Variants in SYNE2 observed in about 807,000 individuals in gnomAD.
SYNE2 encodes the protein nesprin-2.
In SYNE2, 431 loss-of-function variants were observed where a neutral mutation model predicts 856.3. The ratio of observed to expected loss-of-function variants is 0.50; its 90% CI spans 0.47 to 0.55. The LOEUF (loss-of-function observed/expected upper bound fraction) is 0.55, where lower values mean the gene tolerates loss of function less well. SYNE2 is among the 20% of genes least tolerant of loss of function. The pLI is 0.00. For missense variants in SYNE2, 8,129 were observed against 8,023.2 expected (o/e 1.01, Z -0.50); for synonymous variants, 2,923 against 2,872.3 (o/e 1.02, Z -0.56).
chr14:63,980,665 A>G lies in SYNE2; in HGVS notation c.1581A>G (p.Glu527=), dbSNP rs1223830689. 6.3e-7 allele frequency: 1 copy of G among 1,597,572 alleles called. No homozygotes were observed. The highest frequency in any genetic ancestry group is 8.6e-7 in the Non-Finnish European group (1 of 1,165,528). The part of the protein sequence containing the change: ...LLLEDWHKFI[E]EKEFLARLDT... Reference sequence around the variant, plus strand: ...TGTTTTCTTCCCAGAAATTTATTGAAGAAAAAGAATTCCTAGCTCGACTTG... The same window carrying G: ...TGTTTTCTTCCCAGAAATTTATTGAGGAAAAAGAATTCCTAGCTCGACTTG... The change falls in exon 15 of 116, where the codon GAA becomes GAG. Residue 527 remains glutamate (E), a synonymous_variant. Coordinates refer to ENST00000555002, the MANE Select transcript of SYNE2 (RefSeq NM_182914.3).
chr14:64,056,243 A>G lies in SYNE2; in HGVS notation c.10044A>G (p.Lys3348=), dbSNP rs1471787021. 1 of 1,614,030 alleles carries G rather than the reference A, an allele frequency of 6.2e-7. No homozygotes were observed. Among genetic ancestry groups the G allele is most frequent in the Non-Finnish European group, 8.5e-7 (1 of 1,179,998 alleles). The change falls in exon 49 of 116, where the codon AAA becomes AAG. Residue 3348 remains lysine (K), a synonymous_variant. Coordinates refer to ENST00000555002, the MANE Select transcript of SYNE2 (RefSeq NM_182914.3). The part of the protein sequence containing the change: ...SKNSAMKEAF[K]AQETEAERYL... ...ACTCAGCAATGAAGGAAGCTTTCAA[A>G]GCACAGGAAACTGAGGCAGAAAGGT...
At chr14:64,087,365 G>A in intron 57 of SYNE2, 2 of 535,484 alleles carry the variant, frequency 3.7e-6, no homozygotes, top group East Asian at 4.8e-5. Flanking sequence ...TTACATGTAT[G>A]AAAGGGCTTA....
chr14:63,837,019 TTTTAA>T (rs1889879140), intron 1 of SYNE2, among the ~76,000 whole-genome samples: 1 of 152,186 alleles, frequency 6.6e-6, no homozygotes, highest in African/African-American at 2.4e-5. Flanking sequence ...ACTGGGGAGC[TTTTAA>T]TTTGTGTTAC....
At chr14:63,992,819 G>A (rs376966673) in intron 21 of SYNE2, among the ~76,000 whole-genome samples, 2 of 152,186 alleles carry the variant, frequency 1.3e-5, no homozygotes, top group East Asian at 3.9e-4. Context: ...AAATCTAGCA[G>A]TCCTCAAGGA....
intron 1 of SYNE2, among the ~76,000 whole-genome samples, chr14:63,800,083 TGTTAG>T (rs1888073986): frequency 6.6e-6 from 1 of 152,230 alleles, no homozygotes; most frequent in Non-Finnish European, 1.5e-5. Context: ...TTAATTTTCC[TGTTAG>T]CCTGTTCATT....
intron 1 of SYNE2, among the ~76,000 whole-genome samples, chr14:63,866,408 A>G (rs903786750): frequency 1.3e-5 from 2 of 152,130 alleles, no homozygotes; most frequent in Non-Finnish European, 2.9e-5. Flanking sequence ...CACACCTGTA[A>G]TCCCACCACT....
intron 53 of SYNE2, among the ~76,000 whole-genome samples, chr14:64,074,780 C>G (rs529621494): frequency 7.2e-5 from 11 of 152,034 alleles, no homozygotes; most frequent in African/African-American, 2.7e-4. Context: ...CCTATAATCC[C>G]AGCTACTGGG....
At chr14:63,953,497 G>T (rs2096195670) in intron 7 of SYNE2, among the ~76,000 whole-genome samples, 1 of 151,082 alleles carries the variant, frequency 6.6e-6, no homozygotes, top group South Asian at 2.1e-4. Context: ...AAATACAATG[G>T]CTAGCTAATG....
chr14:64,017,830 A>G, intron 34 of SYNE2, 74 bp downstream of exon 34: 1 of 1,452,002 alleles, frequency 6.9e-7, no homozygotes, highest in Non-Finnish European at 9.6e-7. Context: ...AATATAGTCA[A>G]CAAACATTAG....
At chr14:64,128,363 G>A in intron 73 of SYNE2, 89 bp from the exon 74 acceptor site, 1 of 730,652 alleles carries the variant, frequency 1.4e-6, no homozygotes. Flanking sequence ...AATTTCTAGT[G>A]TCACAAAAAT....
chr14:63,976,618 C>G lies in SYNE2; in HGVS notation c.1184C>G (p.Thr395Ser), dbSNP rs1241807636. ...NYALPPPLHQTEAWLQEVEEL... is the reference protein window; with the variant it reads ...NYALPPPLHQSEAWLQEVEEL... ...GCCTTGCCCCCACCCCTCCATCAAA[C>G]TGAAGCTTGGCTCCAGGAGGTAGAA... Residue 395 changes from threonine (T) to serine (S), a missense_variant, in exon 12 of 116, where the codon ACT becomes AGT. Physicochemically the swap from Thr to Ser is moderately conservative, Grantham distance 58. Around this residue, in one of 3 missense-constraint regions of SYNE2, gnomAD observed 2,422 missense variants for 2,357.4 expected, o/e 1.03. Transcript: ENST00000555002. 2.6e-6 allele frequency: 4 copies of G among 1,567,304 alleles called. No homozygotes were observed. The South Asian group carries it at 4.4e-5, about 17-fold the overall frequency.
At chr14:64,063,628 TA>T (rs1461661970) in intron 50 of SYNE2, among the ~76,000 whole-genome samples, 1 of 152,246 alleles carries the variant, frequency 6.6e-6, no homozygotes, top group African/African-American at 2.4e-5. Flanking sequence ...TGCTTATTTT[TA>T]TCTGTTAGAA....
intron 2 of SYNE2, among the ~76,000 whole-genome samples, chr14:63,924,865 C>CTTTTTT (rs1595671224): frequency 2.5e-5 from 1 of 39,546 alleles, no homozygotes; most frequent in African/African-American, 1.2e-4. Context: ...TTTTTTTTTG[C>CTTTTTT]CTTACTCCAG....
chr14:64,035,769 A>G (rs2097083510), intron 45 of SYNE2, among the ~76,000 whole-genome samples: 1 of 151,842 alleles, frequency 6.6e-6, no homozygotes, highest in East Asian at 1.9e-4. Context: ...GTCATAGCTC[A>G]CTGCAGCCTT....
At chr14:64,041,008 A>G (rs2097144363) in intron 45 of SYNE2, among the ~76,000 whole-genome samples, 2 of 152,178 alleles carry the variant, frequency 1.3e-5, no homozygotes, top group East Asian at 1.9e-4. Flanking sequence ...AAGTATGTCA[A>G]TAATAAATTT....
intron 19 of SYNE2, among the ~76,000 whole-genome samples, 186 bp downstream of exon 19, chr14:63,986,803 G>C (rs2096629113): frequency 6.6e-6 from 1 of 152,166 alleles, no homozygotes; most frequent in South Asian, 2.1e-4. Flanking sequence ...GCAGAGGATA[G>C]ATTAGGAGAC....
At chr14:63,991,766 A>G (rs1183496912) in intron 21 of SYNE2, among the ~76,000 whole-genome samples, 2 of 152,196 alleles carry the variant, frequency 1.3e-5, no homozygotes, top group Non-Finnish European at 2.9e-5. Flanking sequence ...GGAGAGGTAG[A>G]GTAATACTTT....
In SYNE2 at chr14:64,052,961, A is replaced by C. The variant is rs1035436734; in HGVS notation, c.9048A>C (p.Gln3016His). Residue 3016 changes from glutamine (Q) to histidine (H), a missense_variant, in exon 48 of 116, where the codon CAA becomes CAC. Coordinates refer to ENST00000555002, the MANE Select transcript of SYNE2 (RefSeq NM_182914.3). ...DYIGLNWDFS[Q>H]LDQLQTQVFE... Reference sequence around the variant, plus strand: ...TTGGACTAAACTGGGATTTTTCACAACTTGACCAATTACAAACCCAAGTAT... The same window carrying C: ...TTGGACTAAACTGGGATTTTTCACACCTTGACCAATTACAAACCCAAGTAT... 3 of 1,610,556 alleles carry C rather than the reference A, an allele frequency of 1.9e-6. No homozygotes were observed. The highest frequency in any genetic ancestry group is 1.7e-5 in the Admixed American group (1 of 59,330).
chr14:63,814,152 C>T (rs1267508787), intron 1 of SYNE2, among the ~76,000 whole-genome samples: 1 of 151,618 alleles, frequency 6.6e-6, no homozygotes, highest in East Asian at 1.9e-4. Context: ...CACCTGTAAT[C>T]CCAGCTACTC....
Sources: allele counts gnomAD v4.1 joint callset (sites outside exome capture counted in the v4.1 genomes callset), GRCh38; gene constraint gnomAD v4.1.1; regional missense constraint gnomAD v4.1.1; transcripts MANE v1.5; gene names NCBI Gene and HGNC (gene_info 2026-07-23, HGNC 2026-07-21).